RNF216: variants seen among roughly 807,000 people sequenced by gnomAD.
RNF216 encodes the protein ring finger protein 216, also known as E3 ubiquitin-protein ligase RNF216.
Under a neutral mutation model 110.8 loss-of-function variants are expected in RNF216, and 72 were observed. That is an observed-to-expected ratio of 0.65 (90% confidence interval 0.54 to 0.79). The LOEUF is 0.79. Ranked by LOEUF, RNF216 falls within the 30% of genes least tolerant of loss-of-function variation. The probability of loss-of-function intolerance (pLI) is 0.00; values close to 1 mark genes in which losing one functional copy is unlikely to be tolerated. For missense variants in RNF216, 1,342 were observed against 1,141.2 expected (o/e 1.18, Z -2.54); for synonymous variants, 495 against 407.5 (o/e 1.21, Z -2.59).
chr7:5,711,919 T>C (rs1584493521), intron 12 of RNF216, 80 bp from the exon 13 acceptor site: 1 of 1,282,974 alleles, frequency 7.8e-7, no homozygotes, highest in South Asian at 1.3e-5. Context: ...GCTGTTCATA[T>C]GAAGATGGAG....
chr7:5,723,429 C>T (rs1231308636), intron 8 of RNF216, among the ~76,000 whole-genome samples: 2 of 151,922 alleles, frequency 1.3e-5, no homozygotes, highest in East Asian at 1.9e-4. Context: ...GGGCGGATCA[C>T]GAGGTCAGGA....
At chr7:5,748,913 G>T (rs536511161) in intron 3 of RNF216, among the ~76,000 whole-genome samples, 9 of 152,242 alleles carry the variant, frequency 5.9e-5, no homozygotes, top group African/African-American at 1.9e-4. Flanking sequence ...AAGGCTATAA[G>T]ATCTGCTTCT....
chr7:5,727,300 T>C (rs374249947), intron 7 of RNF216, among the ~76,000 whole-genome samples: 4 of 152,342 alleles, frequency 2.6e-5, no homozygotes, highest in South Asian at 4.1e-4. Flanking sequence ...ACCTCACCCT[T>C]ATGACCACAA....
intron 13 of RNF216, among the ~76,000 whole-genome samples, chr7:5,664,381 G>T (rs1789368580): frequency 6.6e-6 from 1 of 152,100 alleles, no homozygotes; most frequent in African/African-American, 2.4e-5. Flanking sequence ...AATTTAATGA[G>T]TTAAACTACA....
intron 15 of RNF216, among the ~76,000 whole-genome samples, chr7:5,625,442 T>A (rs568775168): frequency 6.6e-6 from 1 of 152,118 alleles, no homozygotes; most frequent in Non-Finnish European, 1.5e-5. Context: ...TCAGTTTGGA[T>A]TTTTTCATGC....
At chr7:5,771,960 GT>G (rs1180193346) in intron 1 of RNF216, among the ~76,000 whole-genome samples, 8 of 152,172 alleles carry the variant, frequency 5.3e-5, no homozygotes, top group Non-Finnish European at 1.0e-4. Flanking sequence ...GGGGCCGGGC[GT>G]GGTGGCTCAC....
rs1786498807 is a variant in RNF216, at chr7:5,623,193, G to A, written c.2453-14C>T. 1.3e-6 allele frequency: 2 copies of A among 1,530,940 alleles called. No homozygotes were observed. The highest frequency in any genetic ancestry group is 8.8e-7 in the Non-Finnish European group (1 of 1,134,704). 94.8% of individuals were successfully genotyped at this position (1,530,940 alleles called of 1,614,324 possible). ...TGAAGGTGTTCTCTGAAAGGGATGT[G>A]GGGATTAGTGGAGAAAAACATTAAA... On this transcript the variant is annotated splice_polypyrimidine_tract_variant and intron_variant, in intron 16 of 16. Transcript: ENST00000389902.
At chr7:5,746,470 G>C (rs1430301883) in intron 3 of RNF216, among the ~76,000 whole-genome samples, 4 of 152,288 alleles carry the variant, frequency 2.6e-5, no homozygotes, top group Middle Eastern at 3.4e-3. Context: ...ACTGATACCA[G>C]CTGTGTTGAG....
At chr7:5,700,675 G>C (rs1791907740) in intron 13 of RNF216, among the ~76,000 whole-genome samples, 1 of 152,146 alleles carries the variant, frequency 6.6e-6, no homozygotes, top group Non-Finnish European at 1.5e-5. Context: ...AAAATCCACA[G>C]AGAATCTTTT....
At chr7:5,667,252 T>G (rs984641255) in intron 13 of RNF216, among the ~76,000 whole-genome samples, 7 of 152,268 alleles carry the variant, frequency 4.6e-5, no homozygotes, top group Non-Finnish European at 2.9e-5. Context: ...ACTGTTTCTG[T>G]TCCACCTATA....
At chr7:5,642,462 C>A (rs936337650) in intron 14 of RNF216, among the ~76,000 whole-genome samples, 1 of 151,990 alleles carries the variant, frequency 6.6e-6, no homozygotes, top group African/African-American at 2.4e-5. Flanking sequence ...GATCCACCTG[C>A]CTCGGCCTCC....
intron 3 of RNF216, among the ~76,000 whole-genome samples, chr7:5,746,095 G>A (rs112844102): frequency 2.1e-4 from 32 of 152,234 alleles, no homozygotes; most frequent in African/African-American, 7.2e-4. Context: ...CAGGAAAAAC[G>A]GCTAACTCCC....
intron 1 of RNF216, among the ~76,000 whole-genome samples, chr7:5,777,110 G>T (rs1291320060): frequency 6.6e-6 from 1 of 152,106 alleles, no homozygotes; most frequent in East Asian, 1.9e-4. Context: ...CACGTGGAGG[G>T]AAAGAGCCAG....
chr7:5,736,200 C>G (rs1794387478), intron 5 of RNF216, among the ~76,000 whole-genome samples: 2 of 152,258 alleles, frequency 1.3e-5, no homozygotes, highest in Admixed American at 1.3e-4. Flanking sequence ...GCCATCTCTG[C>G]TCACTGCAAC....
intron 3 of RNF216, among the ~76,000 whole-genome samples, chr7:5,743,722 C>T (rs1794890416): frequency 6.6e-6 from 1 of 152,164 alleles, no homozygotes; most frequent in South Asian, 2.1e-4. Context: ...AAACTGGTAA[C>T]AACAGTTCCT....
chr7:5,704,252 C>T (rs894954650), intron 13 of RNF216, among the ~76,000 whole-genome samples: 6 of 152,122 alleles, frequency 3.9e-5, no homozygotes, highest in Admixed American at 6.5e-5. Context: ...TTAATATAAA[C>T]GCCTCATTTC....
chr7:5,637,043 C>T (rs1787438515), intron 15 of RNF216, among the ~76,000 whole-genome samples: 1 of 152,124 alleles, frequency 6.6e-6, no homozygotes, highest in Non-Finnish European at 1.5e-5. Context: ...TGCCCTTTGT[C>T]TCTAGAGATG....
At chr7:5,638,322 T>C (rs1028995409) in intron 15 of RNF216, among the ~76,000 whole-genome samples, 1 of 152,264 alleles carries the variant, frequency 6.6e-6, no homozygotes, top group African/African-American at 2.4e-5. Flanking sequence ...ATTTAAATGG[T>C]GTTTCTAAAT....
intron 14 of RNF216, among the ~76,000 whole-genome samples, chr7:5,647,761 C>T (rs1425445822): frequency 6.6e-6 from 1 of 152,148 alleles, no homozygotes; most frequent in Non-Finnish European, 1.5e-5. Flanking sequence ...GCTACCAAGA[C>T]CTGTTGATTT....
Sources: allele counts gnomAD v4.1 joint callset (sites outside exome capture counted in the v4.1 genomes callset), GRCh38; gene constraint gnomAD v4.1.1; transcripts MANE v1.5; gene names NCBI Gene and HGNC (gene_info 2026-07-23, HGNC 2026-07-21).